PPARGC1B: variants seen among roughly 807,000 people sequenced by gnomAD.
PPARGC1B encodes peroxisome proliferator-activated receptor gamma coactivator 1-beta.
Under a neutral mutation model 101.6 loss-of-function variants are expected in PPARGC1B, and 34 were observed. The ratio of observed to expected loss-of-function variants is 0.33; its 90% CI spans 0.25 to 0.45. The LOEUF (loss-of-function observed/expected upper bound fraction) is 0.45, where lower values mean the gene tolerates loss of function less well. Among genes scored for constraint, PPARGC1B ranks in the 20% least tolerant of loss-of-function variants. The probability of loss-of-function intolerance (pLI) is 1.00; values close to 1 mark genes in which losing one functional copy is unlikely to be tolerated. For synonymous variants in PPARGC1B, 548 were observed against 539.3 expected, an observed-to-expected ratio of 1.02 and a Z score of -0.22; for missense variants, 1,234 against 1,317.6, an observed-to-expected ratio of 0.94 and a Z score of 0.98.
At chr5:149,817,845 G>A in intron 1 of PPARGC1B, 1 of 456,558 alleles carries the variant, frequency 2.2e-6, no homozygotes, top group Middle Eastern at 3.3e-4. Context: ...CTTACCATAT[G>A]GCCCAACAGT....
intron 1 of PPARGC1B, among the ~76,000 whole-genome samples, chr5:149,776,617 G>C (rs1203289926): frequency 6.6e-6 from 1 of 152,154 alleles, no homozygotes; most frequent in East Asian, 1.9e-4. Flanking sequence ...GATGAGAGTT[G>C]GGTGGGTCGT....
At chr5:149,809,477 CATAGATAG>C (rs70973546) in intron 1 of PPARGC1B, among the ~76,000 whole-genome samples, 2,276 of 54,750 alleles carry the variant, frequency 0.042, 119 homozygotes, top group East Asian at 0.12. Flanking sequence ...CCATCTCTAC[CATAGATAG>C]ATAGATAGAT....
intron 1 of PPARGC1B, among the ~76,000 whole-genome samples, chr5:149,761,142 G>A (rs996108912): frequency 1.3e-5 from 2 of 152,056 alleles, no homozygotes; most frequent in Non-Finnish European, 2.9e-5. Context: ...GTTATTTAAC[G>A]TACATAATGT....
intron 9 of PPARGC1B, among the ~76,000 whole-genome samples, chr5:149,842,026 A>G (rs1759362069): frequency 1.3e-5 from 2 of 152,100 alleles, no homozygotes; most frequent in East Asian, 3.9e-4. Context: ...CATTTCCTTC[A>G]TGTAAGCAGT....
At chr5:149,758,598 C>T (rs1411428526) in intron 1 of PPARGC1B, among the ~76,000 whole-genome samples, 2 of 152,214 alleles carry the variant, frequency 1.3e-5, no homozygotes, top group Non-Finnish European at 2.9e-5. Context: ...TGTGCCCCAG[C>T]AGGTGCCATC....
intron 1 of PPARGC1B, among the ~76,000 whole-genome samples, chr5:149,763,269 T>G (rs565936047): frequency 2.3e-4 from 35 of 152,358 alleles, no homozygotes; most frequent in Middle Eastern, 3.4e-3. Context: ...TGGGTGACTC[T>G]TGAGCCCTCT....
chr5:149,857,071 C>T (rs1341590874), downstream of PPARGC1B, among the ~76,000 whole-genome samples: 1 of 152,034 alleles, frequency 6.6e-6, no homozygotes, highest in Non-Finnish European at 1.5e-5. Context: ...CCACGCCTGG[C>T]CTAAGCTGCT....
chr5:149,767,765 C>A (rs1430836610), intron 1 of PPARGC1B, among the ~76,000 whole-genome samples: 1 of 151,564 alleles, frequency 6.6e-6, no homozygotes, highest in Non-Finnish European at 1.5e-5. Flanking sequence ...TCTACACCAG[C>A]GGTCTCCAAC....
chr5:149,749,388 A>G (rs551860502), intron 1 of PPARGC1B, among the ~76,000 whole-genome samples: 1 of 152,338 alleles, frequency 6.6e-6, no homozygotes, highest in Admixed American at 6.5e-5. Flanking sequence ...TAGGAACTGG[A>G]CGGGAATGTG....
rs1199839991 is a variant in PPARGC1B at position 149,755,052 on chromosome 5, C to CATATATATATATATATATATATATAT, written c.78+24653_78+24654insTATATATATATATATATATATATATA. ...TACACTACATATACATATACATATA[C>CATATATATATATATATATATATATAT]ATATATATATATATATATATAATTT... is the stretch of plus-strand genomic sequence containing the variant. On this transcript the variant is annotated intron_variant, in intron 1 of 11. Coordinates refer to ENST00000309241, the MANE Select transcript of PPARGC1B (RefSeq NM_133263.4). 4.6e-3 allele frequency among the ~76,000 whole-genome samples: 497 copies of CATATATATATATATATATATATATAT among 108,674 alleles called. 7 individuals are homozygous for CATATATATATATATATATATATATAT. Among genetic ancestry groups the CATATATATATATATATATATATATAT allele is most frequent in the African/African-American group, 0.017 (453 of 26,372 alleles). 71.3% of individuals were successfully genotyped at this position (108,674 alleles called of 152,430 possible). A position where few individuals can be genotyped will look rare whatever the true frequency, so the allele number is the denominator to read the frequency against.
rs367879696 is a variant in PPARGC1B, at chr5:149,832,917, G to A, written c.844G>A (p.Glu282Lys). The A allele has an allele frequency of 5.6e-6, 9 of 1,613,080 alleles. No individual in the cohort carries two copies. Among genetic ancestry groups the A allele is most frequent in the Non-Finnish European group, 6.8e-6 (8 of 1,180,024 alleles). Residue 282 changes from glutamate to lysine, a missense_variant, in exon 5 of 12, where the codon GAA becomes AAA. Coordinates refer to ENST00000309241, the MANE Select transcript of PPARGC1B (RefSeq NM_133263.4). This position sits in a 1 kb window ranked among gnomAD's most constrained non-coding sequence, Gnocchi z 4.9. Reference protein sequence around the residue: ...RADPGAPVSQEDMQAMVQLIR... With the variant: ...RADPGAPVSQKDMQAMVQLIR... ...AGACCCCGGTGCCCCGGTTTCCCAGGAAGACATGCAGGCGATGGTGCAACT... is the reference window on the plus strand; with the variant it reads ...AGACCCCGGTGCCCCGGTTTCCCAGAAAGACATGCAGGCGATGGTGCAACT...
intron 1 of PPARGC1B, among the ~76,000 whole-genome samples, chr5:149,803,795 G>A (rs894032444): frequency 3.9e-4 from 60 of 152,302 alleles, no homozygotes; most frequent in Non-Finnish European, 7.4e-5. Flanking sequence ...CAGATTCATT[G>A]TACTCGCCCA....
intron 1 of PPARGC1B, among the ~76,000 whole-genome samples, chr5:149,802,975 G>A (rs1416947388): frequency 6.6e-6 from 1 of 151,682 alleles, no homozygotes; most frequent in Non-Finnish European, 1.5e-5. Context: ...TCTCCCACTT[G>A]AGGGTTCACC....
rs1048899840 is a variant in PPARGC1B at position 149,802,625 on chromosome 5, G to A, written c.79-17808G>A. Reference sequence around the variant, plus strand: ...GCTCTGGGCTAGGCTTTTGGCATACGTGATCACACAGAGCCCTCATGACAC... The same window carrying A: ...GCTCTGGGCTAGGCTTTTGGCATACATGATCACACAGAGCCCTCATGACAC... On this transcript the variant is annotated intron_variant, in intron 1 of 11. Coordinates refer to ENST00000309241, the MANE Select transcript of PPARGC1B (RefSeq NM_133263.4). Among the ~76,000 whole-genome samples, 11 of 150,850 alleles carry A rather than the reference G, an allele frequency of 7.3e-5. 1 individual carries two copies. Among genetic ancestry groups the A allele is most frequent in the South Asian group, 4.2e-4 (2 of 4,756 alleles).
chr5:149,855,753 A>G (rs1008544536), downstream of PPARGC1B, among the ~76,000 whole-genome samples: 4 of 152,122 alleles, frequency 2.6e-5, no homozygotes, highest in African/African-American at 9.7e-5. Flanking sequence ...TTTGTGCTTT[A>G]ACTTTATTTT....
At chr5:149,829,277 G>A (rs1050588725) in intron 3 of PPARGC1B, among the ~76,000 whole-genome samples, 1 of 152,166 alleles carries the variant, frequency 6.6e-6, no homozygotes, top group Non-Finnish European at 1.5e-5. Flanking sequence ...TTACACCAAT[G>A]GAGGAATCAA....
Position 149,820,516 on chromosome 5 carries a change from G to A in PPARGC1B, c.162G>A (p.Ser54=), listed in dbSNP as rs200583371. The A allele has an allele frequency of 9.9e-6, 16 of 1,613,968 alleles. No homozygotes were observed. The East Asian group carries it at 1.8e-4, about 18-fold the overall frequency. ...AGCTGGATGCCAGCGACTTTGACTC[G>A]GCCACCTGCTTTGGGGAGCTGCAGT... ...LSQLDASDFD[S]ATCFGELQWC... The change falls in exon 2 of 12, where the codon TCG becomes TCA. Residue 54 remains serine, a synonymous_variant. Coordinates refer to ENST00000309241, the MANE Select transcript of PPARGC1B (RefSeq NM_133263.4).
At chr5:149,825,146 G>A (rs35112196) in intron 2 of PPARGC1B, among the ~76,000 whole-genome samples, 2,098 of 152,340 alleles carry the variant, frequency 0.014, 18 homozygotes, top group Non-Finnish European at 0.021. Flanking sequence ...TAGAAGCCAC[G>A]TGCTCTCCAC....
At chr5:149,746,686 A>G (rs962979003) in intron 1 of PPARGC1B, among the ~76,000 whole-genome samples, 1 of 152,186 alleles carries the variant, frequency 6.6e-6, no homozygotes, top group African/African-American at 2.4e-5. Context: ...ACTGTTTTCC[A>G]TGGTGGCTGT....
Sources: allele counts gnomAD v4.1 joint callset (sites outside exome capture counted in the v4.1 genomes callset), GRCh38; gene constraint gnomAD v4.1.1; non-coding constraint Gnocchi (gnomAD v3.1); transcripts MANE v1.5; gene names NCBI Gene and HGNC (gene_info 2026-07-23, HGNC 2026-07-21).